Variants in CTSD observed in about 807,000 individuals in gnomAD.
CTSD encodes the protein ceroid-lipofuscinosis, neuronal 10.
A neutral mutation model predicts 43.6 loss-of-function variants in CTSD; 28 were observed. The observed-to-expected ratio is 0.64, with a 90% CI of 0.48 to 0.88. The LOEUF is 0.88. CTSD is among the 40% of genes least tolerant of loss of function. The pLI, the probability that CTSD is intolerant of heterozygous loss-of-function variation, is 0.00. For synonymous variants in CTSD, 270 were observed against 249.8 expected, an observed-to-expected ratio of 1.08 and a Z score of -0.76; for missense variants, 485 against 555.2, an observed-to-expected ratio of 0.87 and a Z score of 1.27.
chr11:1,753,215 C>T lies in CTSD; in HGVS notation c.*288G>A, dbSNP rs112529968. ...GCCCCAGGATACACGAGCTCGGCTGCCAAGCTTGGGTGGGGTCTTCCAATG... is the reference window on the plus strand; with the variant it reads ...GCCCCAGGATACACGAGCTCGGCTGTCAAGCTTGGGTGGGGTCTTCCAATG... On this transcript the variant is annotated 3_prime_UTR_variant, in exon 9 of 9. Transcript: ENST00000236671. The T allele has an allele frequency of 1.9e-3, 943 of 492,966 alleles. 8 individuals carry two copies. Among genetic ancestry groups the T allele is most frequent in the African/African-American group, 0.017 (877 of 51,436 alleles). The allele number at this position is 492,966 out of a possible 1,614,324, so 30.5% of individuals were successfully genotyped here. A position where few individuals can be genotyped will look rare whatever the true frequency, so the allele number is the denominator to read the frequency against.
chr11:1,763,616 C>T (rs1845910269), intron 1 of CTSD, 176 bp downstream of exon 1: 1 of 572,782 alleles, frequency 1.7e-6, no homozygotes, highest in Non-Finnish European at 2.9e-6. Context: ...GAGCCCGGCG[C>T]CCCGTAGGCG....
Position 1,754,929 on chromosome 11 carries a change from G to A in CTSD, c.804C>T (p.Ala268=). 1.2e-6 allele frequency: 2 copies of A among 1,613,958 alleles called. No homozygotes were observed. The highest frequency in any genetic ancestry group is 1.7e-6 in the Non-Finnish European group (2 of 1,179,908). The change falls in exon 6 of 9, where the codon GCC becomes GCT. Residue 268 remains alanine (A), a synonymous_variant. Coordinates refer to ENST00000236671, the MANE Select transcript of CTSD (RefSeq NM_001909.5). ...SLSYLNVTRK[A]YWQVHLDQVE... is the part of the protein sequence containing the mutation. ...ACTGGTCCAGGTGGACCTGCCAGTA[G>A]GCCTTGCGGGTGACATTCAGGTAGG... is the stretch of plus-strand genomic sequence containing the variant.
chr11:1,759,489 G>A, intron 3 of CTSD, 27 bp downstream of exon 3: 2 of 1,612,464 alleles, frequency 1.2e-6, no homozygotes, highest in Non-Finnish European at 8.5e-7. Flanking sequence ...CAGGACCTGG[G>A]CGACGGGGCC....
intron 1 of CTSD, chr11:1,761,987 C>T: frequency 5.1e-6 from 1 of 195,618 alleles, no homozygotes; most frequent in Non-Finnish European, 1.1e-5. Context: ...CAGGCTGGCA[C>T]TGGCAGCTCT....
At position 1,754,966 on chromosome 11, in the gene CTSD, T is replaced by A; in HGVS notation, c.767A>T (p.Lys256Met). 1 of 1,613,912 alleles carries A rather than the reference T, an allele frequency of 6.2e-7. No individual in the cohort carries two copies. Among genetic ancestry groups the A allele is most frequent in the Non-Finnish European group, 8.5e-7 (1 of 1,179,892 alleles). Reference sequence around the variant, plus strand: ...GACATTCAGGTAGGACAGAGAACCCTTGTAATACTTGGAGTCTGTGCCACC... The same window carrying A: ...GACATTCAGGTAGGACAGAGAACCCATGTAATACTTGGAGTCTGTGCCACC... Reference protein sequence around the residue: ...MLGGTDSKYYKGSLSYLNVTR... With the variant: ...MLGGTDSKYYMGSLSYLNVTR... Residue 256 changes from lysine to methionine, a missense_variant, in exon 6 of 9, where the codon AAG becomes ATG. Lys to Met is a moderately conservative substitution (Grantham distance 95). Coordinates refer to ENST00000236671, the MANE Select transcript of CTSD (RefSeq NM_001909.5).
intron 1 of CTSD, chr11:1,762,124 C>T (rs1051193314): frequency 1.8e-5 from 3 of 164,716 alleles, no homozygotes; most frequent in African/African-American, 7.2e-5. Context: ...TGTTTCTGGG[C>T]ATCCGCACCT....
intron 5 of CTSD, among the ~76,000 whole-genome samples, chr11:1,755,944 T>C (rs529733503): frequency 6.6e-6 from 1 of 150,604 alleles, no homozygotes; most frequent in Admixed American, 6.6e-5. Flanking sequence ...CCTCAGACCC[T>C]CCCTCCTGCC....
rs1173860527 is a variant in CTSD at position 1,754,023 on chromosome 11, T to A, written c.943A>T (p.Ile315Phe). The A allele has an allele frequency of 5.6e-6, 9 of 1,601,146 alleles. No homozygotes were observed. Among genetic ancestry groups the A allele is most frequent in the Non-Finnish European group, 7.7e-6 (9 of 1,174,004 alleles). The change falls in exon 7 of 9, where the codon ATC becomes TTC. Residue 315 changes from isoleucine to phenylalanine, a missense_variant. Ile to Phe is a conservative substitution (Grantham distance 21). Transcript: ENST00000236671. ...VDEVRELQKA[I>F]GAVPLIQGEY... is the part of the protein sequence containing the mutation. ...CCCTGAATCAGCGGCACGGCCCCGATGGCCTTCTGCAGCTCGCGCACCTCA... is the reference window on the plus strand; with the variant it reads ...CCCTGAATCAGCGGCACGGCCCCGAAGGCCTTCTGCAGCTCGCGCACCTCA...
chr11:1,761,663 C>A (rs917149191), intron 1 of CTSD, 195 bp from the exon 2 acceptor site: 1 of 662,904 alleles, frequency 1.5e-6, no homozygotes, highest in Non-Finnish European at 2.7e-6. Flanking sequence ...TGCCCCCCGC[C>A]AGGTTGCACA....
In CTSD at chr11:1,757,362, C is replaced by A; in HGVS notation, c.666G>T (p.Lys222Asn). Reference protein sequence around the residue: ...LPVFDNLMQQKLVDQNIFSFY... With the variant: ...LPVFDNLMQQNLVDQNIFSFY... Reference sequence around the variant, plus strand: ...AGGAGAAGATGTTCTGGTCCACCAGCTTCTGCTGCATCAGGTTGTCGAAGA... The same window carrying A: ...AGGAGAAGATGTTCTGGTCCACCAGATTCTGCTGCATCAGGTTGTCGAAGA... The change falls in exon 5 of 9, where the codon AAG (lysine) becomes AAT (asparagine). Residue 222 changes from lysine (K) to asparagine (N), a missense_variant. Physicochemically the swap from Lys to Asn is moderately conservative, Grantham distance 94. Transcript: ENST00000236671. 1.9e-6 allele frequency: 3 copies of A among 1,614,110 alleles called. No homozygotes were observed. Among genetic ancestry groups the A allele is most frequent in the Non-Finnish European group, 2.5e-6 (3 of 1,180,018 alleles).
At chr11:1,756,091 C>T (rs1053830218) in intron 5 of CTSD, among the ~76,000 whole-genome samples, 7 of 151,938 alleles carry the variant, frequency 4.6e-5, no homozygotes, top group Admixed American at 2.0e-4. Context: ...ATGCCTCCCC[C>T]GACCTGGGTA....
At chr11:1,760,492 A>AGCT (rs1354428007) in intron 2 of CTSD, 7 of 152,380 alleles carry the variant, frequency 4.6e-5, no homozygotes, top group African/African-American at 1.7e-4. Flanking sequence ...GAGCAGCAGC[A>AGCT]GCTGCTGACT....
At position 1,763,861 on chromosome 11, in the gene CTSD, G is replaced by A; in HGVS notation, c.-2C>T. ...CGGCAGAAGGCTGGAGGGCTGCATG[G>A]CGGCGGCGGCCGGGTCGGAGAGGGT... On this transcript the variant is annotated 5_prime_UTR_variant, in exon 1 of 9. Coordinates refer to ENST00000236671, the MANE Select transcript of CTSD (RefSeq NM_001909.5). 6.6e-7 allele frequency: 1 copy of A among 1,522,842 alleles called. No individual in the cohort carries two copies. The highest frequency in any genetic ancestry group is 1.2e-5 in the South Asian group (1 of 82,334). 94.3% of individuals were successfully genotyped at this position (1,522,842 alleles called of 1,614,324 possible). A position where few individuals can be genotyped will look rare whatever the true frequency, so the allele number is the denominator to read the frequency against.
chr11:1,756,438 T>C (rs1845810043), intron 5 of CTSD, among the ~76,000 whole-genome samples: 1 of 152,142 alleles, frequency 6.6e-6, no homozygotes. Context: ...ACAGCCGGAA[T>C]TCTGCCGGAA....
At position 1,757,521 on chromosome 11, in the gene CTSD, C is replaced by T. The variant is rs1845824523; in HGVS notation, c.507G>A (p.Leu169=). Residue 169 remains leucine (L), a synonymous_variant, in exon 5 of 9, where the codon CTG becomes CTA. Transcript: ENST00000236671. ...CCTGCCTCTCCACTTTGACACCGCCCAGGGCAGAGGCTGACGACGCTGACT... is the reference window on the plus strand; with the variant it reads ...CCTGCCTCTCCACTTTGACACCGCCTAGGGCAGAGGCTGACGACGCTGACT... ...PCQSASSASA[L]GGVKVERQVF... 1 of 1,613,440 alleles carries T rather than the reference C, an allele frequency of 6.2e-7. No homozygotes were observed. Among genetic ancestry groups the T allele is most frequent in the African/African-American group, 1.3e-5 (1 of 75,062 alleles).
chr11:1,759,228 G>T, intron 3 of CTSD, 141 bp from the exon 4 acceptor site: 2 of 879,260 alleles, frequency 2.3e-6, no homozygotes, highest in South Asian at 1.3e-5. Context: ...GGGATCTGAG[G>T]CCCACCATCA....
intron 1 of CTSD, 76 bp downstream of exon 1, chr11:1,763,716 G>A: frequency 7.3e-7 from 1 of 1,366,884 alleles, no homozygotes; most frequent in Non-Finnish European, 9.8e-7. Flanking sequence ...AGGGGAGCGC[G>A]AAAGTCACCA....
chr11:1,754,861 C>A (rs199907790), intron 6 of CTSD, 45 bp downstream of exon 6: 1 of 1,612,708 alleles, frequency 6.2e-7, no homozygotes, highest in African/African-American at 1.3e-5. Context: ...CGCACACCGC[C>A]CCCGCCCACA....
intron 1 of CTSD, 51 bp from the exon 2 acceptor site, chr11:1,761,519 C>T (rs747186301): frequency 5.0e-6 from 8 of 1,601,830 alleles, no homozygotes; most frequent in South Asian, 3.3e-5. Flanking sequence ...GCCTGCCGGC[C>T]GACGCTGCCA....
Sources: allele counts gnomAD v4.1 joint callset (sites outside exome capture counted in the v4.1 genomes callset), GRCh38; gene constraint gnomAD v4.1.1; transcripts MANE v1.5; gene names NCBI Gene and HGNC (gene_info 2026-07-23, HGNC 2026-07-21).